CACNA2D4: variants seen among roughly 807,000 people sequenced by gnomAD.
CACNA2D4 encodes voltage-dependent calcium channel subunit alpha-2/delta-4.
A neutral mutation model predicts 163.8 loss-of-function variants in CACNA2D4; 157 were observed. The ratio of observed to expected loss-of-function variants is 0.96; its 90% CI spans 0.84 to 1.09. CACNA2D4 has a LOEUF of 1.09. Ranked by LOEUF, CACNA2D4 falls within the 50% of genes least tolerant of loss-of-function variation. The probability of loss-of-function intolerance (pLI) is 0.00; values close to 1 mark genes in which losing one functional copy is unlikely to be tolerated. For synonymous variants in CACNA2D4, 598 were observed against 586.9 expected, an observed-to-expected ratio of 1.02 and a Z score of -0.27; for missense variants, 1,410 against 1,479.9, an observed-to-expected ratio of 0.95 and a Z score of 0.78.
chr12:1,880,446 C>G (rs1201273902), intron 13 of CACNA2D4, among the ~76,000 whole-genome samples: 1 of 152,286 alleles, frequency 6.6e-6, no homozygotes, highest in Non-Finnish European at 1.5e-5. Flanking sequence ...ATGGACTCCA[C>G]TCACAGCACC....
intron 12 of CACNA2D4, 62 bp downstream of exon 12, chr12:1,884,181 G>T: frequency 6.7e-7 from 1 of 1,487,266 alleles, no homozygotes; most frequent in Non-Finnish European, 9.3e-7. Context: ...TTCCAGGGCT[G>T]GGTAACCCTG....
At chr12:1,811,867 T>G in intron 26 of CACNA2D4, 144 bp from the exon 27 acceptor site, 10 of 700,932 alleles carry the variant, frequency 1.4e-5, no homozygotes, top group East Asian at 9.0e-5. Flanking sequence ...GAGGGCAGAG[T>G]GCAAACTGGG....
chr12:1,907,541 G>A lies in CACNA2D4; in HGVS notation c.680C>T (p.Ser227Phe). 6.2e-7 allele frequency: 1 copy of A among 1,613,152 alleles called. No individual in the cohort carries two copies. The highest frequency in any genetic ancestry group is 8.5e-7 in the Non-Finnish European group (1 of 1,179,230). ...CACGAAGACAGCATTCAAGGCTTCA[G>A]ACATGTAGACTCCATTTAAAATATC... Reference protein sequence around the residue: ...DPDILNGVYMSEALNAVFVEN... With the variant: ...DPDILNGVYMFEALNAVFVEN... The change falls in exon 6 of 38, where the codon TCT becomes TTT. Residue 227 changes from serine to phenylalanine, a missense_variant. Physicochemically the swap from Ser to Phe is radical, Grantham distance 155. Coordinates refer to ENST00000382722, the MANE Select transcript of CACNA2D4 (RefSeq NM_172364.5).
intron 14 of CACNA2D4, 77 bp downstream of exon 14, chr12:1,879,727 G>C (rs190077921): frequency 2.5e-5 from 31 of 1,225,816 alleles, no homozygotes; most frequent in Non-Finnish European, 3.5e-5. Flanking sequence ...GCCAAGTCAA[G>C]AATCACTGGT....
intron 26 of CACNA2D4, among the ~76,000 whole-genome samples, chr12:1,822,806 G>A (rs765259425): frequency 2.0e-5 from 3 of 152,194 alleles, no homozygotes; most frequent in African/African-American, 7.2e-5. Flanking sequence ...GACAGGCAGC[G>A]GTAGGCGGAG....
intron 6 of CACNA2D4, among the ~76,000 whole-genome samples, chr12:1,907,080 GGC>G (rs1319670071): frequency 6.6e-6 from 1 of 152,228 alleles, no homozygotes; most frequent in African/African-American, 2.4e-5. Context: ...GAACACTCTT[GGC>G]GAGTGCGCCT....
intron 13 of CACNA2D4, among the ~76,000 whole-genome samples, chr12:1,881,830 C>CT (rs1866007689): frequency 6.6e-6 from 1 of 152,248 alleles, no homozygotes; most frequent in Non-Finnish European, 1.5e-5. Context: ...GATTAATGAG[C>CT]TTTTCATCCC....
intron 32 of CACNA2D4, 74 bp downstream of exon 32, chr12:1,800,312 T>C: frequency 9.3e-6 from 14 of 1,510,062 alleles, no homozygotes; most frequent in Non-Finnish European, 1.2e-5. Flanking sequence ...CCTTGCAGCC[T>C]CCTGCTCAAG....
chr12:1,906,784 A>T (rs1248515241), intron 6 of CACNA2D4, among the ~76,000 whole-genome samples: 1 of 152,242 alleles, frequency 6.6e-6, no homozygotes, highest in Non-Finnish European at 1.5e-5. Flanking sequence ...TGGCACTCCA[A>T]GAGAGAGATT....
chr12:1,798,423 T>G lies in CACNA2D4; in HGVS notation c.2996-888A>C, dbSNP rs1863202150. ...AGCATGGGTCTCCCCAGCTTCCAAA[T>G]CCAGAAGCTCCCAGCCAGAGCTGGA... On this transcript the variant is annotated intron_variant, in intron 34 of 37. Coordinates refer to ENST00000382722, the MANE Select transcript of CACNA2D4 (RefSeq NM_172364.5). The surrounding 1 kb of genome is among the most constrained non-coding windows in gnomAD (Gnocchi z 4.3). Among the ~76,000 whole-genome samples, 1 of 151,792 alleles carries G rather than the reference T, an allele frequency of 6.6e-6. No individual in the cohort carries two copies. Among genetic ancestry groups the G allele is most frequent in the African/African-American group, 2.4e-5 (1 of 41,320 alleles).
chr12:1,797,343 G>T, intron 35 of CACNA2D4, 75 bp downstream of exon 35: 1 of 1,105,706 alleles, frequency 9.0e-7, no homozygotes, highest in Non-Finnish European at 1.3e-6. Context: ...GGGTTCCGGG[G>T]CCCTGCCCGC....
chr12:1,907,983 C>T lies in CACNA2D4; in HGVS notation c.541G>A (p.Val181Met), dbSNP rs376344535. The T allele has an allele frequency of 6.2e-7, 1 of 1,613,936 alleles. No individual in the cohort carries two copies. The highest frequency in any genetic ancestry group is 1.1e-5 in the South Asian group (1 of 91,080). Residue 181 changes from valine (V) to methionine (M), a missense_variant, in exon 5 of 38, where the codon GTG (valine) becomes ATG (methionine). By Grantham distance (21) the Val-to-Met change is conservative. Coordinates refer to ENST00000382722, the MANE Select transcript of CACNA2D4 (RefSeq NM_172364.5). The stretch of plus-strand genomic sequence containing the variant: ...AGGAGGAACTCGGCGCCCAGCTCCA[C>T]GAAGTTGCCCTTCTCGTCCCTCTCG... Reference protein sequence around the residue: ...INERDEKGNFVELGAEFLLES... With the variant: ...INERDEKGNFMELGAEFLLES...
At chr12:1,901,987 A>T (rs1866548670) in intron 6 of CACNA2D4, among the ~76,000 whole-genome samples, 1 of 152,130 alleles carries the variant, frequency 6.6e-6, no homozygotes. Context: ...AGCAAACTGA[A>T]TACAGCAATA....
rs1865492197 is a variant in CACNA2D4, at chr12:1,860,175, A to AAGT, written c.1907_1909dup (p.Tyr636dup). Reference sequence around the variant, plus strand: ...AGGGGTGTCGCTGATGTCCGTGAAGAAGTAGTCATTGGTCAGGAAAAGAAC... The same window carrying AAGT: ...AGGGGTGTCGCTGATGTCCGTGAAGAAGTAGTAGTCATTGGTCAGGAAAAGAAC... On this transcript the variant is annotated inframe_insertion, in exon 19 of 38. Transcript: ENST00000382722. The AAGT allele has an allele frequency of 1.2e-6, 2 of 1,613,756 alleles. No individual in the cohort carries two copies. Among genetic ancestry groups the AAGT allele is most frequent in the African/African-American group, 1.3e-5 (1 of 74,928 alleles).
chr12:1,876,614 T>G (rs1865887658), intron 16 of CACNA2D4, among the ~76,000 whole-genome samples: 1 of 151,684 alleles, frequency 6.6e-6, no homozygotes, highest in South Asian at 2.1e-4. Flanking sequence ...AGTTTTTTGT[T>G]TGTTCACTTT....
In CACNA2D4 at chr12:1,864,035, C is replaced by A. The variant is rs544207227; in HGVS notation, c.1879-3829G>T. On this transcript the variant is annotated intron_variant, in intron 18 of 37. Coordinates refer to ENST00000382722, the MANE Select transcript of CACNA2D4 (RefSeq NM_172364.5). ...TGGCCGCCAGCCGTGAGTGGCCGGG[C>A]CCATCCCGTCCAAAGACAAATGTCT... Among the ~76,000 whole-genome samples the A allele has an allele frequency of 5.9e-5, 9 of 152,368 alleles. No homozygotes were observed. The East Asian group carries it at 1.5e-3, about 26-fold the overall frequency.
rs1863204115 is a variant in CACNA2D4 at position 1,798,512 on chromosome 12, G to A, written c.2996-977C>T. Reference sequence around the variant, plus strand: ...CACCGAGAGGAGCAAGCCCACAGCGGCCAGGGCTGTGAGTTTTGTCCCCAG... The same window carrying A: ...CACCGAGAGGAGCAAGCCCACAGCGACCAGGGCTGTGAGTTTTGTCCCCAG... On this transcript the variant is annotated intron_variant, in intron 34 of 37. Transcript: ENST00000382722. This position sits in a 1 kb window ranked among gnomAD's most constrained non-coding sequence, Gnocchi z 4.3. Among the ~76,000 whole-genome samples, 1 of 152,064 alleles carries A rather than the reference G, an allele frequency of 6.6e-6. No individual in the cohort carries two copies. Among genetic ancestry groups the A allele is most frequent in the African/African-American group, 2.4e-5 (1 of 41,400 alleles).
chr12:1,910,501 T>C (rs1866786631), intron 3 of CACNA2D4, among the ~76,000 whole-genome samples: 1 of 152,248 alleles, frequency 6.6e-6, no homozygotes, highest in African/African-American at 2.4e-5. Flanking sequence ...ATGGAAACTG[T>C]ACTTTCTTCT....
Position 1,829,847 on chromosome 12 carries a change from C to T in CACNA2D4, c.2551+10892G>A, listed in dbSNP as rs1817357271. 6.6e-6 allele frequency among the ~76,000 whole-genome samples: 1 copy of T among 151,998 alleles called. No homozygotes were observed. The highest frequency in any genetic ancestry group is 2.4e-5 in the African/African-American group (1 of 41,388). ...CCTCGGCTGGGCTGACCTGGTGGGG[C>T]TGAACTATTTTGAATTCTTCCCAGT... On this transcript the variant is annotated intron_variant, in intron 26 of 37. Transcript: ENST00000382722. This position sits in a 1 kb window ranked among gnomAD's most constrained non-coding sequence, Gnocchi z 4.2.
Sources: gnomAD v4.1 joint callset for allele counts (sites outside exome capture counted in the v4.1 genomes callset) on GRCh38, gnomAD v4.1.1 for gene constraint, Gnocchi (gnomAD v3.1) non-coding constraint, MANE v1.5 for transcripts, NCBI Gene and HGNC (gene_info 2026-07-23, HGNC 2026-07-21) for gene names.